KIAA1328: variants seen among roughly 807,000 people sequenced by gnomAD.
The protein encoded by KIAA1328 is KIAA1328.
In KIAA1328, 52 loss-of-function variants were observed where a neutral mutation model predicts 68.1. That is an observed-to-expected ratio of 0.76 (90% CI 0.61 to 0.96). The LOEUF (loss-of-function observed/expected upper bound fraction) is 0.96. Ranked by LOEUF, KIAA1328 falls within the 40% of genes least tolerant of loss-of-function variation. The probability of loss-of-function intolerance (pLI) is 0.00; values close to 1 mark genes in which losing one functional copy is unlikely to be tolerated. For synonymous variants in KIAA1328, 232 were observed against 239.4 expected, an observed-to-expected ratio of 0.97 and a Z score of 0.28; for missense variants, 641 against 677.6, an observed-to-expected ratio of 0.95 and a Z score of 0.60.
Position 37,041,088 on chromosome 18 carries a change from A to C in KIAA1328, c.577-25802A>C, listed in dbSNP as rs537793433. Among the ~76,000 whole-genome samples the C allele has an allele frequency of 4.3e-4, 66 of 152,116 alleles. 1 individual carries two copies. The highest frequency in any genetic ancestry group is 1.6e-3 in the African/African-American group (66 of 41,566). On this transcript the variant is annotated intron_variant, in intron 6 of 9. Transcript: ENST00000280020. ...TCAAGTTGATTAGTAGTATTGTTCA[A>C]ATCTTTTATACTTTGCTGATTTTTT...
At chr18:36,964,393 A>G (rs1334869617) in intron 6 of KIAA1328, among the ~76,000 whole-genome samples, 1 of 152,116 alleles carries the variant, frequency 6.6e-6, no homozygotes, top group Non-Finnish European at 1.5e-5. Context: ...TTCATGAGGC[A>G]TTTCTTTGAC....
chr18:37,224,394 G>A lies in KIAA1328; in HGVS notation c.*2167G>A, dbSNP rs1252358266. 3 of 985,332 alleles carry A rather than the reference G, an allele frequency of 3.0e-6. No individual in the cohort carries two copies. The highest frequency in any genetic ancestry group is 2.3e-4 in the East Asian group (2 of 8,796). 61.0% of individuals were successfully genotyped at this position (985,332 alleles called of 1,614,324 possible). On this transcript the variant is annotated 3_prime_UTR_variant, in exon 10 of 10. Transcript: ENST00000280020. ...TTGCCTCTCCATGAATGGCCAATTT[G>A]GAAAAGCAGAGATGGGCTTTCAGCA...
intron 4 of KIAA1328, among the ~76,000 whole-genome samples, chr18:36,866,655 A>G (rs1030488878): frequency 6.6e-6 from 1 of 152,288 alleles, no homozygotes; most frequent in Middle Eastern, 3.4e-3. Flanking sequence ...TGCCTGATAT[A>G]TTGCATTTTT....
chr18:37,217,214 A>C (rs1006199670), intron 9 of KIAA1328, among the ~76,000 whole-genome samples: 1 of 151,994 alleles, frequency 6.6e-6, no homozygotes, highest in African/African-American at 2.4e-5. Flanking sequence ...TGTCATTATG[A>C]TGTTAGCTGG....
At chr18:36,892,043 C>A (rs780900774) in intron 5 of KIAA1328, among the ~76,000 whole-genome samples, 1 of 152,238 alleles carries the variant, frequency 6.6e-6, no homozygotes, top group African/African-American at 2.4e-5. Flanking sequence ...AACAGTAATA[C>A]GCTGGAGCTA....
chr18:37,069,506 T>C (rs1040824839), intron 7 of KIAA1328, among the ~76,000 whole-genome samples: 2 of 152,146 alleles, frequency 1.3e-5, no homozygotes, highest in East Asian at 3.9e-4. Context: ...CTTGTTTCGG[T>C]ATCAAGGTAA....
Position 36,994,284 on chromosome 18 carries a change from G to A in KIAA1328, c.576+34849G>A, listed in dbSNP as rs541732434. 2.0e-5 allele frequency among the ~76,000 whole-genome samples: 3 copies of A among 152,220 alleles called. No individual in the cohort carries two copies. The South Asian group carries it at 6.2e-4, about 32-fold the overall frequency. On this transcript the variant is annotated intron_variant, in intron 6 of 9. Coordinates refer to ENST00000280020, the MANE Select transcript of KIAA1328 (RefSeq NM_020776.3). Reference sequence around the variant, plus strand: ...GCTAGTCTAAAGGAAAGCTCACAATGGTTTCTGTTGAATGAATGCAATTAT... The same window carrying A: ...GCTAGTCTAAAGGAAAGCTCACAATAGTTTCTGTTGAATGAATGCAATTAT...
At chr18:36,894,178 G>A (rs1382965537) in intron 5 of KIAA1328, among the ~76,000 whole-genome samples, 1 of 152,070 alleles carries the variant, frequency 6.6e-6, no homozygotes, top group Non-Finnish European at 1.5e-5. Context: ...AGCAGTGAAC[G>A]ATACAAATAT....
chr18:37,208,640 G>A (rs1049782645), intron 9 of KIAA1328, among the ~76,000 whole-genome samples: 5 of 152,270 alleles, frequency 3.3e-5, no homozygotes, highest in African/African-American at 9.6e-5. Flanking sequence ...AATGATTCCA[G>A]TCCTACCTCT....
intron 5 of KIAA1328, among the ~76,000 whole-genome samples, chr18:36,918,774 T>C (rs2151099097): frequency 6.6e-6 from 1 of 152,006 alleles, no homozygotes; most frequent in East Asian, 1.9e-4. Context: ...TTGCTTTAGC[T>C]GTATCTCACA....
chr18:37,074,184 G>C (rs1233594291), intron 7 of KIAA1328, among the ~76,000 whole-genome samples: 1 of 152,122 alleles, frequency 6.6e-6, no homozygotes, highest in Admixed American at 6.6e-5. Flanking sequence ...TGATCCTTTA[G>C]ACAGAGAGAG....
At chr18:36,884,030 A>G (rs1484640171) in intron 4 of KIAA1328, among the ~76,000 whole-genome samples, 1 of 150,116 alleles carries the variant, frequency 6.7e-6, no homozygotes, top group Non-Finnish European at 1.5e-5. Context: ...TCAGTGGGAA[A>G]TAATTTTTAA....
intron 6 of KIAA1328, among the ~76,000 whole-genome samples, chr18:36,963,043 A>G (rs1242457471): frequency 1.3e-5 from 2 of 152,236 alleles, no homozygotes; most frequent in African/African-American, 2.4e-5. Flanking sequence ...TGGTTTTTTG[A>G]AAAGATCAAC....
chr18:37,100,367 G>A (rs2057569045), intron 7 of KIAA1328, among the ~76,000 whole-genome samples: 1 of 152,248 alleles, frequency 6.6e-6, no homozygotes, highest in Non-Finnish European at 1.5e-5. Context: ...CACACCAGGA[G>A]AATATACCCT....
At chr18:37,172,073 A>G (rs1214551066) in intron 8 of KIAA1328, among the ~76,000 whole-genome samples, 2 of 152,190 alleles carry the variant, frequency 1.3e-5, no homozygotes, top group East Asian at 3.9e-4. Context: ...TGCCATTCCC[A>G]AAGTTAGCAT....
At chr18:37,109,941 A>G (rs994280493) in intron 7 of KIAA1328, among the ~76,000 whole-genome samples, 14 of 152,078 alleles carry the variant, frequency 9.2e-5, no homozygotes, top group Non-Finnish European at 1.5e-4. Context: ...TTCTGCTCCA[A>G]TCTGAAACGG....
Position 37,223,190 on chromosome 18 carries a change from A to T in KIAA1328, c.*963A>T. The T allele has an allele frequency of 3.0e-6, 3 of 985,150 alleles. No homozygotes were observed. The highest frequency in any genetic ancestry group is 3.6e-6 in the Non-Finnish European group (3 of 829,956). The allele number at this position is 985,150 out of a possible 1,614,324, so 61.0% of individuals were successfully genotyped here. Reference sequence around the variant, plus strand: ...TGGCCCTCCCTTTTCCTCCACGAGGATTAAAGGATACAAGCTGACCAGGCC... The same window carrying T: ...TGGCCCTCCCTTTTCCTCCACGAGGTTTAAAGGATACAAGCTGACCAGGCC... On this transcript the variant is annotated 3_prime_UTR_variant, in exon 10 of 10. Transcript: ENST00000280020.
chr18:36,961,359 CAGGG>C (rs2051663300), intron 6 of KIAA1328, among the ~76,000 whole-genome samples: 1 of 152,114 alleles, frequency 6.6e-6, no homozygotes, highest in South Asian at 2.1e-4. Context: ...CTGAAAGTGT[CAGGG>C]AGAATGGAAC....
At chr18:37,169,367 A>G (rs1299229893) in intron 8 of KIAA1328, among the ~76,000 whole-genome samples, 1 of 151,910 alleles carries the variant, frequency 6.6e-6, no homozygotes, top group Non-Finnish European at 1.5e-5. Flanking sequence ...GGGTTTCACT[A>G]TGTTGGCCAG....
Sources: gnomAD v4.1 joint callset for allele counts (sites outside exome capture counted in the v4.1 genomes callset) on GRCh38, gnomAD v4.1.1 for gene constraint, MANE v1.5 for transcripts, NCBI Gene and HGNC (gene_info 2026-07-23, HGNC 2026-07-21) for gene names.